Variants in TRPM7 observed in about 807,000 individuals in gnomAD.
TRPM7 encodes the protein transient receptor potential cation channel subfamily M member 7.
Under a neutral mutation model 229.7 loss-of-function variants are expected in TRPM7, and 134 were observed. The observed-to-expected ratio is 0.58, with a 90% CI of 0.51 to 0.67. The LOEUF (loss-of-function observed/expected upper bound fraction) is 0.67, where lower values mean the gene tolerates loss of function less well. Ranked by LOEUF, TRPM7 falls within the 30% of genes least tolerant of loss-of-function variation. The probability of loss-of-function intolerance (pLI) is 0.00; values close to 1 mark genes in which losing one functional copy is unlikely to be tolerated. For missense variants in TRPM7, 1,901 were observed against 2,210.0 expected, an observed-to-expected ratio of 0.86 and a Z score of 2.80; for synonymous variants, 699 against 715.2, an observed-to-expected ratio of 0.98 and a Z score of 0.36.
At chr15:50,563,631 T>C (rs1270601308) in intron 38 of TRPM7, among the ~76,000 whole-genome samples, 1 of 152,224 alleles carries the variant, frequency 6.6e-6, no homozygotes, top group Admixed American at 6.5e-5. Flanking sequence ...TAACCATTAA[T>C]AAGATAGGGA....
At chr15:50,639,678 CT>C (rs2140745519) in intron 5 of TRPM7, 130 bp from the exon 6 acceptor site, 1 of 672,782 alleles carries the variant, frequency 1.5e-6, no homozygotes, top group East Asian at 3.2e-5. Flanking sequence ...GCGATCCTCC[CT>C]TGTGAGCCTC....
chr15:50,608,431 C>T (rs1364257365), intron 19 of TRPM7, among the ~76,000 whole-genome samples: 2 of 150,654 alleles, frequency 1.3e-5, no homozygotes, highest in South Asian at 2.1e-4. Context: ...ATTTGATTAT[C>T]TGTGGCAGGC....
chr15:50,643,340 C>G lies in TRPM7; in HGVS notation c.535G>C (p.Gly179Arg), dbSNP rs781605153. 1 of 1,612,226 alleles carries G rather than the reference C, an allele frequency of 6.2e-7. No homozygotes were observed. ...AWILTGGVNTGVAKHVGDALK... is the reference protein window; with the variant it reads ...AWILTGGVNTRVAKHVGDALK... Reference sequence around the variant, plus strand: ...AAAATTGGTATAATCATCACATTACCTGTGTTTACTCCTCCAGTTAAAATC... The same window carrying G: ...AAAATTGGTATAATCATCACATTACGTGTGTTTACTCCTCCAGTTAAAATC... The change falls in exon 5 of 39, where the codon GGT becomes CGT. Residue 179 changes from glycine (G) to arginine (R), a missense_variant and splice_region_variant. Physicochemically the swap from Gly to Arg is moderately radical, Grantham distance 125. Around this residue, in one of 8 missense-constraint regions of TRPM7, gnomAD observed 794 missense variants for 881.9 expected, o/e 0.90. Coordinates refer to ENST00000646667, the MANE Select transcript of TRPM7 (RefSeq NM_017672.6).
intron 9 of TRPM7, 139 bp downstream of exon 9, chr15:50,632,730 G>T: frequency 1.3e-6 from 1 of 799,116 alleles, no homozygotes; most frequent in Non-Finnish European, 1.8e-6. Flanking sequence ...ACCAATAAAT[G>T]ACATATTTTT....
chr15:50,673,973 T>C (rs566497997), intron 1 of TRPM7, among the ~76,000 whole-genome samples: 2 of 152,180 alleles, frequency 1.3e-5, no homozygotes, highest in African/African-American at 2.4e-5. Flanking sequence ...AATAAGGTGG[T>C]ATTATTGCAT....
Position 50,634,530 on chromosome 15 carries a change from C to T in TRPM7, c.859G>A (p.Ala287Thr). 1 of 1,515,036 alleles carries T rather than the reference C, an allele frequency of 6.6e-7. No homozygotes were observed. Among genetic ancestry groups the T allele is most frequent in the South Asian group, 1.4e-5 (1 of 72,986 alleles). 93.8% of individuals were successfully genotyped at this position (1,515,036 alleles called of 1,614,324 possible). A position where few individuals can be genotyped will look rare whatever the true frequency, so the allele number is the denominator to read the frequency against. The part of the protein sequence containing the change: ...ARIGQGVPVV[A>T]LIFEGGPNVI... ...TTTGGCCCACCCTCAAATATAAGTG[C>T]CACCACAGGGACACCCTGGCCAATC... The change falls in exon 8 of 39, where the codon GCA (alanine) becomes ACA (threonine). Residue 287 changes from alanine (A) to threonine (T), a missense_variant. Around this residue, in one of 8 missense-constraint regions of TRPM7, gnomAD observed 794 missense variants for 881.9 expected, o/e 0.90. Transcript: ENST00000646667.
intron 2 of TRPM7, among the ~76,000 whole-genome samples, chr15:50,660,497 T>TA (rs1378682339): frequency 1.3e-5 from 2 of 151,768 alleles, no homozygotes; most frequent in Non-Finnish European, 1.5e-5. Context: ...CTACTAAAAA[T>TA]AAAAAAAATT....
chr15:50,679,480 ATAT>A (rs2062180681), intron 1 of TRPM7, among the ~76,000 whole-genome samples: 1 of 140,264 alleles, frequency 7.1e-6, no homozygotes, highest in South Asian at 2.2e-4. Context: ...TCATTTATAT[ATAT>A]ATATATTATA....
intron 1 of TRPM7, among the ~76,000 whole-genome samples, chr15:50,683,552 T>C (rs1567133485): frequency 1.3e-5 from 2 of 151,754 alleles, no homozygotes; most frequent in East Asian, 1.9e-4. Flanking sequence ...CTGGCCAACA[T>C]GGCAAACCCT....
intron 1 of TRPM7, among the ~76,000 whole-genome samples, chr15:50,675,941 C>T (rs780507341): frequency 2.0e-5 from 3 of 152,152 alleles, no homozygotes; most frequent in African/African-American, 7.2e-5. Context: ...CAACCTTGTG[C>T]AAGTTTCAGA....
intron 1 of TRPM7, among the ~76,000 whole-genome samples, chr15:50,675,196 A>G (rs549815492): frequency 2.0e-5 from 3 of 152,292 alleles, no homozygotes; most frequent in African/African-American, 7.2e-5. Context: ...TATAAAAATT[A>G]GCTGGGCATG....
At position 50,643,424 on chromosome 15, in the gene TRPM7, G is replaced by C. The variant is rs373865187; in HGVS notation, c.451C>G (p.Arg151Gly). 1 of 1,614,100 alleles carries C rather than the reference G, an allele frequency of 6.2e-7. No individual in the cohort carries two copies. The highest frequency in any genetic ancestry group is 1.7e-5 in the Admixed American group (1 of 60,014). ...CCTTTTCCAAGCAACTGCTTGATTC[G>C]TGGGTGAAGCTCAAATTTCTGCATG... is the stretch of plus-strand genomic sequence containing the variant. ...GGMQKFELHP[R>G]IKQLLGKGLI... Residue 151 changes from arginine (R) to glycine (G), a missense_variant, in exon 5 of 39, where the codon CGA becomes GGA. By Grantham distance (125) the Arg-to-Gly change is moderately radical. Around this residue, in one of 8 missense-constraint regions of TRPM7, gnomAD observed 794 missense variants for 881.9 expected, o/e 0.90. Coordinates refer to ENST00000646667, the MANE Select transcript of TRPM7 (RefSeq NM_017672.6).
intron 36 of TRPM7, among the ~76,000 whole-genome samples, chr15:50,573,700 A>G (rs926167391): frequency 1.3e-5 from 2 of 152,210 alleles, no homozygotes; most frequent in South Asian, 2.1e-4. Context: ...ACTAGACTGC[A>G]TATCTTAGAA....
chr15:50,583,215 CAACT>C, intron 28 of TRPM7, 56 bp from the exon 29 acceptor site: 2 of 1,265,684 alleles, frequency 1.6e-6, no homozygotes, highest in South Asian at 2.6e-5. Flanking sequence ...TTATGAATAC[CAACT>C]AACCAAACAC....
intron 1 of TRPM7, among the ~76,000 whole-genome samples, chr15:50,673,795 T>C (rs1169467997): frequency 6.6e-6 from 1 of 152,172 alleles, no homozygotes; most frequent in Non-Finnish European, 1.5e-5. Flanking sequence ...AGATACCCAG[T>C]AGTGGGACTG....
In TRPM7 at chr15:50,559,477, GC is replaced by G. The variant is rs2053231022; in HGVS notation, c.*2200del. The G allele has an allele frequency of 6.7e-6, 1 of 150,204 alleles. No individual in the cohort carries two copies. Among genetic ancestry groups the G allele is most frequent in the Non-Finnish European group, 1.5e-5 (1 of 67,890 alleles). The allele number at this position is 150,204 out of a possible 1,614,324, so 9.3% of individuals were successfully genotyped here. On this transcript the variant is annotated 3_prime_UTR_variant, in exon 39 of 39. Coordinates refer to ENST00000646667, the MANE Select transcript of TRPM7 (RefSeq NM_017672.6). ...CGAAGTGCTGGGATTACAGGCATGA[GC>G]CACCATGCCCCACCAAGACAAACAA...
At chr15:50,585,216 C>T (rs111393090) in intron 28 of TRPM7, among the ~76,000 whole-genome samples, 7 of 152,072 alleles carry the variant, frequency 4.6e-5, no homozygotes, top group African/African-American at 1.4e-4. Flanking sequence ...CGCCCGCCAC[C>T]GCGCCCGGCT....
chr15:50,573,347 C>T (rs987894407), intron 36 of TRPM7, among the ~76,000 whole-genome samples: 3 of 152,278 alleles, frequency 2.0e-5, no homozygotes, highest in East Asian at 1.9e-4. Context: ...CTGAAACTAC[C>T]ATGCTGTGAG....
chr15:50,663,886 C>T (rs1053458562), intron 1 of TRPM7, among the ~76,000 whole-genome samples: 5 of 151,998 alleles, frequency 3.3e-5, no homozygotes, highest in African/African-American at 7.3e-5. Context: ...TCGCCTAAGC[C>T]GAGGAGGCTG....
Sources: allele counts gnomAD v4.1 joint callset (sites outside exome capture counted in the v4.1 genomes callset), GRCh38; gene constraint gnomAD v4.1.1; regional missense constraint gnomAD v4.1.1; transcripts MANE v1.5; gene names NCBI Gene and HGNC (gene_info 2026-07-23, HGNC 2026-07-21).